PREX2: variants seen among roughly 807,000 people sequenced by gnomAD.
PREX2 encodes the protein phosphatidylinositol-3,4,5-trisphosphate dependent Rac exchange factor 2.
PREX2 carries 107 observed loss-of-function variants against 203.2 expected under a neutral mutation model. The observed-to-expected ratio is 0.53, with a 90% CI of 0.45 to 0.62. PREX2 has a LOEUF of 0.62. Among genes scored for constraint, PREX2 ranks in the 20% least tolerant of loss-of-function variants. PREX2 has a pLI of 0.00. For synonymous variants in PREX2, 672 were observed against 663.6 expected, an observed-to-expected ratio of 1.01 and a Z score of -0.19; for missense variants, 1,777 against 1,955.9, an observed-to-expected ratio of 0.91 and a Z score of 1.72.
At chr8:67,971,378 A>G (rs1308431212) in intron 1 of PREX2, among the ~76,000 whole-genome samples, 1 of 152,220 alleles carries the variant, frequency 6.6e-6, no homozygotes, top group East Asian at 1.9e-4. Context: ...CAGCTTAATT[A>G]GAATCTCAGG....
At chr8:68,165,827 T>C (rs1811749620) in intron 35 of PREX2, among the ~76,000 whole-genome samples, 1 of 152,188 alleles carries the variant, frequency 6.6e-6, no homozygotes, top group African/African-American at 2.4e-5. Context: ...CTATGTTAGG[T>C]GGGTCCACTT....
intron 6 of PREX2, among the ~76,000 whole-genome samples, chr8:68,031,972 G>T (rs1053879258): frequency 5.3e-5 from 8 of 152,122 alleles, no homozygotes; most frequent in Non-Finnish European, 1.2e-4. Flanking sequence ...AATGGAATCT[G>T]TCATAATTTT....
chr8:68,180,786 G>T (rs1812069814), intron 35 of PREX2, among the ~76,000 whole-genome samples: 1 of 152,122 alleles, frequency 6.6e-6, no homozygotes, highest in Non-Finnish European at 1.5e-5. Context: ...TCCTTAGAGG[G>T]AATGGTTCTC....
At chr8:68,060,406 T>G (rs1808812109) in intron 10 of PREX2, among the ~76,000 whole-genome samples, 1 of 152,236 alleles carries the variant, frequency 6.6e-6, no homozygotes, top group African/African-American at 2.4e-5. Context: ...ATTTTCACTT[T>G]GTGTTTATTA....
intron 17 of PREX2, among the ~76,000 whole-genome samples, chr8:68,081,307 T>C (rs1160879989): frequency 6.6e-6 from 1 of 152,100 alleles, no homozygotes; most frequent in Non-Finnish European, 1.5e-5. Context: ...GAGGTGGAGC[T>C]CAGGGTTTGT....
chr8:68,055,206 T>C (rs1808638665), intron 9 of PREX2, among the ~76,000 whole-genome samples: 1 of 152,148 alleles, frequency 6.6e-6, no homozygotes. Context: ...GCATGCCCAA[T>C]ACCTAAGGAA....
chr8:68,033,988 C>T (rs913796221), intron 6 of PREX2, among the ~76,000 whole-genome samples: 2 of 152,130 alleles, frequency 1.3e-5, no homozygotes, highest in African/African-American at 4.8e-5. Context: ...GATTCTAAAG[C>T]TTATATTCCT....
intron 35 of PREX2, among the ~76,000 whole-genome samples, chr8:68,186,523 T>G (rs966446480): frequency 6.6e-6 from 1 of 152,332 alleles, no homozygotes; most frequent in Non-Finnish European, 1.5e-5. Flanking sequence ...TTGTTTTGTT[T>G]TGTTTTTTTA....
At chr8:68,079,770 G>C (rs1809456348) in intron 15 of PREX2, among the ~76,000 whole-genome samples, 1 of 152,038 alleles carries the variant, frequency 6.6e-6, no homozygotes, top group Non-Finnish European at 1.5e-5. Context: ...TATTTCATCA[G>C]TGCATTCCAA....
chr8:68,108,985 A>C (rs1377871847), intron 24 of PREX2: 1 of 445,530 alleles, frequency 2.2e-6, no homozygotes, highest in Non-Finnish European at 4.5e-6. Flanking sequence ...TTATATGAGA[A>C]ATATAAAAAA....
intron 34 of PREX2, among the ~76,000 whole-genome samples, chr8:68,149,429 A>G (rs936517867): frequency 5.9e-5 from 9 of 152,232 alleles, no homozygotes; most frequent in East Asian, 5.8e-4. Context: ...TCAGGAAAGT[A>G]AGTGCAAAGC....
At chr8:68,214,483 C>A (rs1479206205) in intron 37 of PREX2, among the ~76,000 whole-genome samples, 3 of 152,180 alleles carry the variant, frequency 2.0e-5, no homozygotes, top group Admixed American at 2.0e-4. Flanking sequence ...GCTAGCATAT[C>A]AATCTCTCTG....
chr8:67,996,864 G>A (rs1451268904), intron 1 of PREX2, among the ~76,000 whole-genome samples: 3 of 152,090 alleles, frequency 2.0e-5, no homozygotes, highest in Non-Finnish European at 4.4e-5. Context: ...CCATAGGGAT[G>A]GATGGTTCTG....
chr8:68,007,385 A>G (rs995667889), intron 1 of PREX2, among the ~76,000 whole-genome samples: 1 of 152,228 alleles, frequency 6.6e-6, no homozygotes, highest in Non-Finnish European at 1.5e-5. Flanking sequence ...AATGTTTTAC[A>G]TATTTATACA....
At chr8:67,982,819 A>G (rs895546207) in intron 1 of PREX2, among the ~76,000 whole-genome samples, 2 of 152,156 alleles carry the variant, frequency 1.3e-5, no homozygotes, top group Non-Finnish European at 2.9e-5. Context: ...CTGTCATAGA[A>G]TATTCTGACT....
chr8:68,042,170 C>A (rs1352527137), intron 7 of PREX2, among the ~76,000 whole-genome samples: 1 of 151,956 alleles, frequency 6.6e-6, no homozygotes, highest in Non-Finnish European at 1.5e-5. Context: ...GTAAAGGGAG[C>A]CTTTTACAAA....
At chr8:67,985,016 T>C (rs1294535820) in intron 1 of PREX2, among the ~76,000 whole-genome samples, 2 of 151,908 alleles carry the variant, frequency 1.3e-5, no homozygotes, top group African/African-American at 4.8e-5. Flanking sequence ...TTTTTTTTTT[T>C]CTTGCCTTTT....
intron 14 of PREX2, among the ~76,000 whole-genome samples, chr8:68,076,595 C>CAGGA (rs1275583176): frequency 6.6e-6 from 1 of 151,322 alleles, no homozygotes; most frequent in East Asian, 2.0e-4. Context: ...GATTTGGTAA[C>CAGGA]ATACCTAAGT....
intron 34 of PREX2, among the ~76,000 whole-genome samples, chr8:68,151,677 C>T (rs1309873833): frequency 1.3e-5 from 2 of 151,884 alleles, no homozygotes; most frequent in Non-Finnish European, 2.9e-5. Context: ...ATACCTATTT[C>T]CTGGGTCTCC....
Sources: allele counts gnomAD v4.1 joint callset (sites outside exome capture counted in the v4.1 genomes callset), GRCh38; gene constraint gnomAD v4.1.1; transcripts MANE v1.5; gene names NCBI Gene and HGNC (gene_info 2026-07-23, HGNC 2026-07-21).